Variants in DMRT3 observed in about 807,000 individuals in gnomAD.
DMRT3 encodes doublesex- and mab-3-related transcription factor 3.
In DMRT3, 29 loss-of-function variants were observed where a neutral mutation model predicts 34.9. The ratio of observed to expected loss-of-function variants is 0.83; its 90% CI spans 0.62 to 1.13. The LOEUF (loss-of-function observed/expected upper bound fraction) is 1.13, where lower values mean the gene tolerates loss of function less well. Among genes scored for constraint, DMRT3 ranks in the 50% most tolerant of loss-of-function variants. The probability of loss-of-function intolerance (pLI) is 0.00; values close to 1 mark genes in which losing one functional copy is unlikely to be tolerated. For synonymous variants in DMRT3, 350 were observed against 286.0 expected (o/e 1.22, Z -2.26); for missense variants, 772 against 629.1 (o/e 1.23, Z -2.43).
intron 1 of DMRT3, among the ~76,000 whole-genome samples, chr9:977,945 C>T (rs1164725417): frequency 6.6e-6 from 1 of 152,012 alleles, no homozygotes; most frequent in African/African-American, 2.4e-5. Flanking sequence ...CTGTGCTTCT[C>T]GGCCGGCCCG....
intron 1 of DMRT3, among the ~76,000 whole-genome samples, chr9:982,844 C>T (rs1820238923): frequency 2.6e-5 from 4 of 152,264 alleles, no homozygotes; most frequent in African/African-American, 9.6e-5. Context: ...TCGCCTCTTG[C>T]TTTTTTCCTT....
chr9:977,098 C>T lies in DMRT3; in HGVS notation c.97C>T (p.Arg33Cys), dbSNP rs752673834. 1.2e-6 allele frequency: 2 copies of T among 1,605,592 alleles called. No individual in the cohort carries two copies. The highest frequency in any genetic ancestry group is 1.7e-5 in the Admixed American group (1 of 59,366). ...GCGCACGCCCAAGTGCGCGCGCTGC[C>T]GCAACCATGGCGTCCTGTCCTGGCT... ...LQRTPKCARC[R>C]NHGVLSWLKG... Residue 33 changes from arginine (R) to cysteine (C), a missense_variant, in exon 1 of 2, where the codon CGC becomes TGC. Physicochemically the swap from Arg to Cys is radical, Grantham distance 180. Coordinates refer to ENST00000190165, the MANE Select transcript of DMRT3 (RefSeq NM_021240.4).
intron 1 of DMRT3, among the ~76,000 whole-genome samples, chr9:987,068 G>C (rs1207725861): frequency 1.3e-5 from 2 of 151,908 alleles, no homozygotes; most frequent in Non-Finnish European, 2.9e-5. Flanking sequence ...ATAACATAAA[G>C]TTTACAATTT....
At chr9:979,184 G>GTA (rs915543621) in intron 1 of DMRT3, among the ~76,000 whole-genome samples, 3 of 152,148 alleles carry the variant, frequency 2.0e-5, no homozygotes, top group Admixed American at 2.0e-4. Context: ...GTTCTTCAGA[G>GTA]TATTCTTTGG....
chr9:989,365 G>A (rs927011692), intron 1 of DMRT3, among the ~76,000 whole-genome samples: 5 of 152,100 alleles, frequency 3.3e-5, no homozygotes, highest in Admixed American at 6.5e-5. Context: ...AGCTGGTTTC[G>A]TTTGCTTTCT....
chr9:991,031 G>C lies in DMRT3; in HGVS notation c.*26G>C, dbSNP rs757911106. 9 of 1,583,086 alleles carry C rather than the reference G, an allele frequency of 5.7e-6. No individual in the cohort carries two copies. The African/African-American group carries it at 1.1e-4, about 19-fold the overall frequency. On this transcript the variant is annotated 3_prime_UTR_variant, in exon 2 of 2. Coordinates refer to ENST00000190165, the MANE Select transcript of DMRT3 (RefSeq NM_021240.4). ...AGTGGTGCTGGATGGGTGGTGGCCA[G>C]GTGACATTTTCTGTGCGTTTTGACC...
At chr9:979,518 G>A (rs1297778049) in intron 1 of DMRT3, among the ~76,000 whole-genome samples, 1 of 152,138 alleles carries the variant, frequency 6.6e-6, no homozygotes, top group East Asian at 1.9e-4. Context: ...TTTCCAGCTG[G>A]TCACCCCCAC....
chr9:986,191 C>T (rs918158532), intron 1 of DMRT3, among the ~76,000 whole-genome samples: 6 of 152,180 alleles, frequency 3.9e-5, no homozygotes, highest in African/African-American at 1.4e-4. Flanking sequence ...GCTGAACAAG[C>T]TGGCACTGAC....
At chr9:986,117 G>A (rs1444388800) in intron 1 of DMRT3, among the ~76,000 whole-genome samples, 1 of 152,198 alleles carries the variant, frequency 6.6e-6, no homozygotes, top group African/African-American at 2.4e-5. Context: ...TGTCCCAGTA[G>A]CAGGGGCAAA....
At chr9:988,382 A>G (rs928736514) in intron 1 of DMRT3, among the ~76,000 whole-genome samples, 7 of 152,218 alleles carry the variant, frequency 4.6e-5, no homozygotes, top group Non-Finnish European at 7.3e-5. Flanking sequence ...TGTTTGCCAC[A>G]TATTTATTGC....
intron 1 of DMRT3, among the ~76,000 whole-genome samples, chr9:982,990 G>C (rs1231575302): frequency 6.6e-6 from 1 of 152,184 alleles, no homozygotes; most frequent in East Asian, 1.9e-4. Flanking sequence ...GCAGTGATAG[G>C]ACAGCTGGTC....
At position 991,124 on chromosome 9, in the gene DMRT3, C is replaced by T. The variant is rs1032618004; in HGVS notation, c.*119C>T. ...CCTTCTGTTTGACAAAGTGACTGTG[C>T]TTGATTCTATACATTAGCAATAAAA... On this transcript the variant is annotated 3_prime_UTR_variant, in exon 2 of 2. Coordinates refer to ENST00000190165, the MANE Select transcript of DMRT3 (RefSeq NM_021240.4). The T allele has an allele frequency of 3.0e-6, 4 of 1,334,306 alleles. No individual in the cohort carries two copies. The highest frequency in any genetic ancestry group is 4.6e-5 in the East Asian group (2 of 43,092). 82.7% of individuals were successfully genotyped at this position (1,334,306 alleles called of 1,614,324 possible). A position where few individuals can be genotyped will look rare whatever the true frequency, so the allele number is the denominator to read the frequency against.
At chr9:980,056 A>G (rs1166695289) in intron 1 of DMRT3, among the ~76,000 whole-genome samples, 1 of 151,776 alleles carries the variant, frequency 6.6e-6, no homozygotes, top group Non-Finnish European at 1.5e-5. Flanking sequence ...TTGCGGGGCA[A>G]AGGACCTCTT....
chr9:990,425 G>C lies in DMRT3; in HGVS notation c.839G>C (p.Ser280Thr), dbSNP rs775308624. ...ILKGCGGDLV[S>T]AVEVLLSSRS... ...AAGGGCTGTGGCGGGGACCTGGTGA[G>C]CGCCGTGGAAGTCCTTCTGTCCAGC... The change falls in exon 2 of 2, where the codon AGC (serine) becomes ACC (threonine). Residue 280 changes from serine (S) to threonine (T), a missense_variant. By Grantham distance (58) the Ser-to-Thr change is moderately conservative. Coordinates refer to ENST00000190165, the MANE Select transcript of DMRT3 (RefSeq NM_021240.4). 6.2e-7 allele frequency: 1 copy of C among 1,614,132 alleles called. No homozygotes were observed. The highest frequency in any genetic ancestry group is 1.1e-5 in the South Asian group (1 of 91,080).
chr9:990,411 C>T lies in DMRT3; in HGVS notation c.825C>T (p.Gly275=), dbSNP rs758850902. Residue 275 remains glycine (G), a synonymous_variant, in exon 2 of 2, where the codon GGC becomes GGT. Transcript: ENST00000190165. ...TTGAGCTCATCCTCAAGGGCTGTGG[C>T]GGGGACCTGGTGAGCGCCGTGGAAG... ...TVLELILKGC[G]GDLVSAVEVL... 80 of 1,613,940 alleles carry T rather than the reference C, an allele frequency of 5.0e-5. No individual in the cohort carries two copies. The highest frequency in any genetic ancestry group is 3.3e-4 in the Middle Eastern group (2 of 6,084).
In DMRT3 at chr9:976,802, C is replaced by G. The variant is rs1586680859; in HGVS notation, c.-200C>G. Among the ~76,000 whole-genome samples the G allele has an allele frequency of 6.6e-6, 1 of 152,212 alleles. No individual in the cohort carries two copies. Among genetic ancestry groups the G allele is most frequent in the East Asian group, 1.9e-4 (1 of 5,146 alleles). On this transcript the variant is annotated 5_prime_UTR_variant, in exon 1 of 2. Transcript: ENST00000190165. This position sits in a 1 kb window ranked among gnomAD's most constrained non-coding sequence, Gnocchi z 4.5. ...GTTGGCTGGGCGTGAGCTGGGAGGC[C>G]GAGCTGTGAGCGCGAAGGGAGCTGG...
chr9:977,112 C>T lies in DMRT3; in HGVS notation c.111C>T (p.Val37=), dbSNP rs780401826. 1.6e-5 allele frequency: 25 copies of T among 1,609,232 alleles called. No homozygotes were observed. Among genetic ancestry groups the T allele is most frequent in the South Asian group, 1.1e-4 (10 of 90,382 alleles). Residue 37 remains valine (V), a synonymous_variant, in exon 1 of 2, where the codon GTC becomes GTT. Coordinates refer to ENST00000190165, the MANE Select transcript of DMRT3 (RefSeq NM_021240.4). ...PKCARCRNHG[V]LSWLKGHKRY... is the part of the protein sequence containing the mutation. Reference sequence around the variant, plus strand: ...GCGCGCGCTGCCGCAACCATGGCGTCCTGTCCTGGCTCAAGGGCCACAAGC... The same window carrying T: ...GCGCGCGCTGCCGCAACCATGGCGTTCTGTCCTGGCTCAAGGGCCACAAGC...
In DMRT3 at chr9:991,027, G is replaced by A. The variant is rs1274617981; in HGVS notation, c.*22G>A. On this transcript the variant is annotated 3_prime_UTR_variant, in exon 2 of 2. Transcript: ENST00000190165. ...TTAAAGTGGTGCTGGATGGGTGGTG[G>A]CCAGGTGACATTTTCTGTGCGTTTT... 3.8e-6 allele frequency: 6 copies of A among 1,585,336 alleles called. No individual in the cohort carries two copies. In the South Asian group the frequency reaches 6.9e-5, roughly 18 times the overall value.
At position 977,078 on chromosome 9, in the gene DMRT3, C is replaced by T. The variant is rs1460120960; in HGVS notation, c.77C>T (p.Thr26Met). Residue 26 changes from threonine to methionine, a missense_variant, in exon 1 of 2, where the codon ACG becomes ATG. By Grantham distance (81) the Thr-to-Met change is moderately conservative. Coordinates refer to ENST00000190165, the MANE Select transcript of DMRT3 (RefSeq NM_021240.4). The part of the protein sequence containing the change: ...SQPPRAPLQR[T>M]PKCARCRNHG... Reference sequence around the variant, plus strand: ...CCGCCACGGGCGCCCCTGCAGCGCACGCCCAAGTGCGCGCGCTGCCGCAAC... The same window carrying T: ...CCGCCACGGGCGCCCCTGCAGCGCATGCCCAAGTGCGCGCGCTGCCGCAAC... The T allele has an allele frequency of 6.3e-7, 1 of 1,592,742 alleles. No individual in the cohort carries two copies. The highest frequency in any genetic ancestry group is 1.1e-5 in the South Asian group (1 of 88,508).
Sources: allele counts gnomAD v4.1 joint callset (sites outside exome capture counted in the v4.1 genomes callset), GRCh38; gene constraint gnomAD v4.1.1; non-coding constraint Gnocchi (gnomAD v3.1); transcripts MANE v1.5; gene names NCBI Gene and HGNC (gene_info 2026-07-23, HGNC 2026-07-21).